PEAK1: variants seen among roughly 807,000 people sequenced by gnomAD.
PEAK1 encodes inactive tyrosine-protein kinase PEAK1.
PEAK1 carries 54 observed loss-of-function variants against 124.7 expected under a neutral mutation model. That is an observed-to-expected ratio of 0.43 (90% CI 0.35 to 0.54). PEAK1 has a LOEUF of 0.54. Among genes scored for constraint, PEAK1 ranks in the 20% least tolerant of loss-of-function variants. PEAK1 has a pLI of 0.01. For missense variants in PEAK1, 2,046 were observed against 2,134.5 expected, an observed-to-expected ratio of 0.96 and a Z score of 0.82; for synonymous variants, 719 against 760.0, an observed-to-expected ratio of 0.95 and a Z score of 0.89.
intron 2 of PEAK1, among the ~76,000 whole-genome samples, chr15:77,313,738 ATATTTATT>A (rs1179007056): frequency 7.0e-6 from 1 of 143,702 alleles, no homozygotes; most frequent in African/African-American, 2.6e-5. Flanking sequence ...ATATATATAT[ATATTTATT>A]TATTTATTTA....
At chr15:77,316,949 C>T (rs1334715397) in intron 2 of PEAK1, among the ~76,000 whole-genome samples, 5 of 152,064 alleles carry the variant, frequency 3.3e-5, no homozygotes, top group East Asian at 1.9e-4. Flanking sequence ...GGCGTGGTGG[C>T]GTGCACCTGT....
rs528809120 is a variant in PEAK1, at chr15:77,162,409, G to A, written c.3138-3713C>T. The stretch of plus-strand genomic sequence containing the variant: ...TCGGGGAGGCCGAGGCAGAAGAATC[G>A]CTTGAACCTGGGAGGCAGAGGTTGC... On this transcript the variant is annotated intron_variant, in intron 7 of 9. Transcript: ENST00000682557. Among the ~76,000 whole-genome samples the A allele has an allele frequency of 1.2e-3, 176 of 146,862 alleles. 2 individuals carry two copies. Among genetic ancestry groups the A allele is most frequent in the African/African-American group, 3.9e-3 (154 of 39,822 alleles).
chr15:77,258,280 T>C (rs2061268262), intron 5 of PEAK1, among the ~76,000 whole-genome samples: 1 of 152,200 alleles, frequency 6.6e-6, no homozygotes, highest in East Asian at 1.9e-4. Context: ...ATTGGTAGCT[T>C]GATGGGGATG....
At chr15:77,166,599 A>G (rs2056117718) in intron 7 of PEAK1, among the ~76,000 whole-genome samples, 1 of 152,236 alleles carries the variant, frequency 6.6e-6, no homozygotes, top group Non-Finnish European at 1.5e-5. Flanking sequence ...AAGTCTCACA[A>G]CAACTTACTA....
chr15:77,124,917 T>C (rs2052244128), intron 9 of PEAK1, among the ~76,000 whole-genome samples: 2 of 152,240 alleles, frequency 1.3e-5, no homozygotes, highest in South Asian at 2.1e-4. Flanking sequence ...TATGTGTTAA[T>C]AACTTATTTC....
At chr15:77,333,590 T>C (rs1300300260) in intron 2 of PEAK1, 2 of 940,766 alleles carry the variant, frequency 2.1e-6, no homozygotes, top group Non-Finnish European at 2.5e-6. Flanking sequence ...GTTTTCATTA[T>C]TTTAACCATC....
At chr15:77,350,189 A>G in intron 2 of PEAK1, 1 of 985,478 alleles carries the variant, frequency 1.0e-6, no homozygotes, top group Non-Finnish European at 1.2e-6. Context: ...ACTAACTGGC[A>G]ACACTGTTGT....
chr15:77,189,139 T>G (rs2057700821), intron 6 of PEAK1, among the ~76,000 whole-genome samples: 1 of 152,080 alleles, frequency 6.6e-6, no homozygotes, highest in Non-Finnish European at 1.5e-5. Context: ...AGGGGGAGGT[T>G]GCAGTGAGCC....
intron 2 of PEAK1, among the ~76,000 whole-genome samples, chr15:77,302,499 A>G (rs1567231791): frequency 6.6e-6 from 1 of 152,168 alleles, no homozygotes; most frequent in African/African-American, 2.4e-5. Context: ...ATTCCAGTAT[A>G]CATGCATGGT....
At chr15:77,206,678 G>GT (rs1359077139) in intron 6 of PEAK1, among the ~76,000 whole-genome samples, 1 of 150,886 alleles carries the variant, frequency 6.6e-6, no homozygotes, top group Non-Finnish European at 1.5e-5. Flanking sequence ...GGGGTTGTTT[G>GT]TTTTTTTCTT....
chr15:77,170,160 A>G (rs1265634828), intron 7 of PEAK1, among the ~76,000 whole-genome samples: 1 of 152,190 alleles, frequency 6.6e-6, no homozygotes, highest in African/African-American at 2.4e-5. Flanking sequence ...AAGTGAATAG[A>G]GGCAGAGACA....
chr15:77,377,600 G>T (rs1036192213), intron 1 of PEAK1, among the ~76,000 whole-genome samples: 3 of 151,962 alleles, frequency 2.0e-5, no homozygotes, highest in Non-Finnish European at 1.5e-5. Flanking sequence ...CTTCCAAGTA[G>T]CTGGGACTAC....
At chr15:77,248,371 G>A (rs1307252491) in intron 6 of PEAK1, among the ~76,000 whole-genome samples, 2 of 152,146 alleles carry the variant, frequency 1.3e-5, no homozygotes, top group African/African-American at 2.4e-5. Context: ...AGATTTGTAA[G>A]GTTTAAAGAT....
intron 2 of PEAK1, chr15:77,335,666 G>T: frequency 2.8e-6 from 2 of 705,480 alleles, no homozygotes; most frequent in Non-Finnish European, 3.5e-6. Context: ...CTGTTGTAAA[G>T]ACAGGGTCTT....
Position 77,135,411 on chromosome 15 carries a change from C to T in PEAK1, c.3332-1661G>A, listed in dbSNP as rs116982270. On this transcript the variant is annotated intron_variant, in intron 8 of 9. Coordinates refer to ENST00000682557, the MANE Select transcript of PEAK1 (RefSeq NM_001385026.1). ...AGAGAGTTAGGCAATCTCATAATTA[C>T]GCAAAAATCATAGAGTGTACTTACA... Among the ~76,000 whole-genome samples, 422 of 152,200 alleles carry T rather than the reference C, an allele frequency of 2.8e-3. 1 individual carries two copies. The highest frequency in any genetic ancestry group is 4.8e-3 in the Non-Finnish European group (325 of 68,008).
intron 6 of PEAK1, among the ~76,000 whole-genome samples, chr15:77,232,933 G>C (rs932290840): frequency 2.0e-5 from 3 of 152,024 alleles, no homozygotes; most frequent in Non-Finnish European, 4.4e-5. Context: ...TTTTAGTACA[G>C]ACGGGGTTTT....
At chr15:77,240,698 A>G (rs2060318083) in intron 6 of PEAK1, among the ~76,000 whole-genome samples, 1 of 152,148 alleles carries the variant, frequency 6.6e-6, no homozygotes, top group Non-Finnish European at 1.5e-5. Context: ...CTACGGGTGT[A>G]ATCATAGTAA....
At chr15:77,194,481 C>A (rs1297274359) in intron 6 of PEAK1, among the ~76,000 whole-genome samples, 2 of 152,148 alleles carry the variant, frequency 1.3e-5, no homozygotes, top group African/African-American at 4.8e-5. Flanking sequence ...ACTCATATAG[C>A]AATTGTTCAA....
intron 2 of PEAK1, among the ~76,000 whole-genome samples, chr15:77,341,276 G>A (rs2066513716): frequency 6.6e-6 from 1 of 152,058 alleles, no homozygotes; most frequent in South Asian, 2.1e-4. Flanking sequence ...GAGGCGGGTG[G>A]ATCATCTGAG....
Sources: allele counts gnomAD v4.1 joint callset (sites outside exome capture counted in the v4.1 genomes callset), GRCh38; gene constraint gnomAD v4.1.1; transcripts MANE v1.5; gene names NCBI Gene and HGNC (gene_info 2026-07-23, HGNC 2026-07-21).